PCDHA1: variants seen among roughly 807,000 people sequenced by gnomAD.
PCDHA1 encodes the protein protocadherin alpha 1.
PCDHA1 carries 42 observed loss-of-function variants against 61.3 expected under a neutral mutation model. That is an observed-to-expected ratio of 0.69 (90% confidence interval 0.54 to 0.89). The LOEUF (loss-of-function observed/expected upper bound fraction) is 0.89, where lower values mean the gene tolerates loss of function less well. PCDHA1 is among the 40% of genes least tolerant of loss of function. The probability of loss-of-function intolerance (pLI) is 0.00; values close to 1 mark genes in which losing one functional copy is unlikely to be tolerated. For missense variants in PCDHA1, 1,256 were observed against 1,235.3 expected, an observed-to-expected ratio of 1.02 and a Z score of -0.25; for synonymous variants, 610 against 553.8, an observed-to-expected ratio of 1.10 and a Z score of -1.43.
intron 1 of PCDHA1, chr5:140,848,580 G>A: frequency 6.3e-7 from 1 of 1,595,144 alleles, no homozygotes; most frequent in Non-Finnish European, 8.6e-7. Flanking sequence ...GGTGGGGAGC[G>A]GCCAGCTCCA....
intron 1 of PCDHA1, among the ~76,000 whole-genome samples, chr5:140,913,742 T>C (rs2153527691): frequency 6.6e-6 from 1 of 152,276 alleles, no homozygotes; most frequent in Non-Finnish European, 1.5e-5. Flanking sequence ...ATAGTACTCC[T>C]TTTGTTGTAT....
chr5:140,926,609 G>T, intron 1 of PCDHA1: 1 of 350,856 alleles, frequency 2.9e-6, no homozygotes, highest in Non-Finnish European at 5.0e-6. Flanking sequence ...CCTCGTCTCT[G>T]CACCCCTAGG....
chr5:140,887,326 G>A (rs1344500973), intron 1 of PCDHA1, among the ~76,000 whole-genome samples: 7 of 152,230 alleles, frequency 4.6e-5, no homozygotes, highest in South Asian at 2.1e-4. Context: ...TCGAACTCCT[G>A]ACCTCGTGAT....
At chr5:140,814,992 GT>G (rs1765632783) in intron 1 of PCDHA1, 1 of 152,092 alleles carries the variant, frequency 6.6e-6, no homozygotes, top group Admixed American at 6.5e-5. Flanking sequence ...TTTGTGTGAT[GT>G]AGCTGTTTCC....
intron 1 of PCDHA1, chr5:140,967,330 C>G: frequency 6.2e-7 from 1 of 1,608,074 alleles, no homozygotes; most frequent in South Asian, 1.1e-5. Context: ...ACGAGCTCAG[C>G]CCCAGCGAGC....
chr5:140,909,380 C>T (rs1247939021), intron 1 of PCDHA1, among the ~76,000 whole-genome samples: 2 of 152,194 alleles, frequency 1.3e-5, no homozygotes, highest in East Asian at 1.9e-4. Context: ...AATGAAACCA[C>T]ATCTAGTACA....
chr5:140,849,038 C>T, intron 1 of PCDHA1: 5 of 1,575,008 alleles, frequency 3.2e-6, no homozygotes, highest in Non-Finnish European at 4.3e-6. Context: ...TCTTCCTGGA[C>T]GTGCCAACCA....
intron 1 of PCDHA1, among the ~76,000 whole-genome samples, chr5:140,873,504 T>TTTTTTTTTTTTTTTTTTTTTTTGAG: frequency 6.6e-6 from 1 of 152,256 alleles, no homozygotes; most frequent in South Asian, 2.1e-4. Context: ...TTGTGTCTTT[T>TTTTTTTTTTTTTTTTTTTTTTTGAG]ATACTTAATG....
At chr5:140,848,916 T>C (rs1389389482) in intron 1 of PCDHA1, 1 of 1,607,882 alleles carries the variant, frequency 6.2e-7, no homozygotes, top group South Asian at 1.1e-5. Context: ...AAAGAATCTG[T>C]TCATCGCGGA....
intron 1 of PCDHA1, chr5:140,967,492 G>T (rs1554229617): frequency 3.1e-6 from 5 of 1,613,380 alleles, no homozygotes; most frequent in Non-Finnish European, 4.2e-6. Flanking sequence ...GTACGGCACA[G>T]ATCTCTGTGC....
chr5:140,840,846 C>A (rs1473721768), intron 1 of PCDHA1, among the ~76,000 whole-genome samples: 5 of 151,994 alleles, frequency 3.3e-5, no homozygotes, highest in Non-Finnish European at 5.9e-5. Flanking sequence ...TAATGCATTT[C>A]TTCCACACGA....
intron 1 of PCDHA1, among the ~76,000 whole-genome samples, chr5:140,889,104 T>C (rs2062103050): frequency 6.6e-6 from 1 of 151,956 alleles, no homozygotes; most frequent in Admixed American, 6.6e-5. Flanking sequence ...TTTTTCATCT[T>C]TATTCCAGGT....
chr5:140,910,944 C>A (rs1177154353), intron 1 of PCDHA1, among the ~76,000 whole-genome samples: 1 of 152,146 alleles, frequency 6.6e-6, no homozygotes, highest in Non-Finnish European at 1.5e-5. Flanking sequence ...TCAAGCAGTT[C>A]TTTTCGAGTG....
rs1427134752 is a variant in PCDHA1 at position 140,834,645 on chromosome 5, T to C, written c.2394+45961T>C. Reference sequence around the variant, plus strand: ...GCAGAATGGCATTTTGTTTGTGAATTCTCGGATCGACCGCGAGGAGCTGTG... The same window carrying C: ...GCAGAATGGCATTTTGTTTGTGAATCCTCGGATCGACCGCGAGGAGCTGTG... On this transcript the variant is annotated intron_variant, in intron 1 of 3. Transcript: ENST00000504120. The C allele has an allele frequency of 2.5e-6, 4 of 1,614,086 alleles. No individual in the cohort carries two copies. The East Asian group carries it at 8.9e-5, about 36-fold the overall frequency.
At chr5:140,823,144 C>T (rs1332340413) in intron 1 of PCDHA1, 2 of 1,614,006 alleles carry the variant, frequency 1.2e-6, no homozygotes, top group Non-Finnish European at 1.7e-6. Context: ...GTTCGCGCAG[C>T]CCCAGTATAC....
intron 3 of PCDHA1, among the ~76,000 whole-genome samples, chr5:140,985,928 C>G (rs1001132600): frequency 9.9e-5 from 15 of 151,534 alleles, no homozygotes; most frequent in Non-Finnish European, 1.3e-4. Context: ...TTTAGTAGAG[C>G]CGGGGTTTCA....
At chr5:140,822,542 G>C (rs2150117132) in intron 1 of PCDHA1, 132 of 1,613,806 alleles carry the variant, frequency 8.2e-5, no homozygotes, top group Middle Eastern at 6.6e-4. Context: ...AATGCACCAA[G>C]TGGGACATTA....
chr5:140,860,827 T>G (rs1554153817), intron 1 of PCDHA1: 6 of 152,210 alleles, frequency 3.9e-5, no homozygotes, highest in Admixed American at 2.6e-4. Context: ...AAGCTCCGCC[T>G]CCCAGGTTCA....
Position 140,870,220 on chromosome 5 carries a change from G to A in PCDHA1, c.2394+81536G>A, listed in dbSNP as rs199741132. 3.2e-5 allele frequency: 52 copies of A among 1,614,042 alleles called. No individual in the cohort carries two copies. The highest frequency in any genetic ancestry group is 2.7e-5 in the Non-Finnish European group (32 of 1,180,040). ...CAGCACGGTCATTGCCCTGATCAGC[G>A]TGTCTGACCGTGACTCAGGTGTCAA... On this transcript the variant is annotated intron_variant, in intron 1 of 3. Transcript: ENST00000504120.
Sources: gnomAD v4.1 joint callset for allele counts (sites outside exome capture counted in the v4.1 genomes callset) on GRCh38, gnomAD v4.1.1 for gene constraint, MANE v1.5 for transcripts, NCBI Gene and HGNC (gene_info 2026-07-23, HGNC 2026-07-21) for gene names.